Variants in TREH observed in about 807,000 individuals in gnomAD.
TREH encodes the protein alpha,alpha-trehalose glucohydrolase.
Under a neutral mutation model 80.5 loss-of-function variants are expected in TREH, and 69 were observed. That is an observed-to-expected ratio of 0.86 (90% CI 0.71 to 1.05). The LOEUF is 1.05. TREH is among the 50% of genes least tolerant of loss of function. TREH has a pLI of 0.00. For synonymous variants in TREH, 309 were observed against 293.5 expected, an observed-to-expected ratio of 1.05 and a Z score of -0.54; for missense variants, 716 against 718.8, an observed-to-expected ratio of 1.00 and a Z score of 0.04.
At chr11:118,670,130 C>T (rs1248019721) in intron 1 of TREH, among the ~76,000 whole-genome samples, 1 of 152,210 alleles carries the variant, frequency 6.6e-6, no homozygotes, top group African/African-American at 2.4e-5. Flanking sequence ...CACTCCCCTA[C>T]CCAGAGATTG....
intron 10 of TREH, 100 bp from the exon 11 acceptor site, chr11:118,660,064 T>G: frequency 2.6e-6 from 3 of 1,149,312 alleles, no homozygotes; most frequent in Non-Finnish European, 3.7e-6. Context: ...TGTGTTTCTC[T>G]GCAAAGGCTG....
chr11:118,679,198 G>A (rs1030537211), intron 1 of TREH, among the ~76,000 whole-genome samples: 2 of 152,094 alleles, frequency 1.3e-5, no homozygotes, highest in East Asian at 1.9e-4. Flanking sequence ...CAGGCTGGGC[G>A]TGGTGGTGCA....
Position 118,661,769 on chromosome 11 carries a change from C to G in TREH, c.525-40G>C. 1.2e-6 allele frequency: 2 copies of G among 1,609,608 alleles called. No homozygotes were observed. The highest frequency in any genetic ancestry group is 1.7e-6 in the Non-Finnish European group (2 of 1,176,380). ...GCTTAGGCACCACCCTGCTGCCTCC[C>G]TCTGCCCTGCACACCAGCCAGTGGG... On this transcript the variant is annotated intron_variant, in intron 5 of 14. Coordinates refer to ENST00000264029, the MANE Select transcript of TREH (RefSeq NM_007180.3). This position sits in a 1 kb window ranked among gnomAD's most constrained non-coding sequence, Gnocchi z 4.2.
Position 118,658,224 on chromosome 11 carries a change from A to G in TREH, c.*65T>C, listed in dbSNP as rs1949228845. On this transcript the variant is annotated 3_prime_UTR_variant, in exon 15 of 15. Coordinates refer to ENST00000264029, the MANE Select transcript of TREH (RefSeq NM_007180.3). Reference sequence around the variant, plus strand: ...TAGGAGGGCATGAAGAGGCAGGGGAAGGCAGGAACTGGTGCAGAGGTTTAA... The same window carrying G: ...TAGGAGGGCATGAAGAGGCAGGGGAGGGCAGGAACTGGTGCAGAGGTTTAA... 4.6e-6 allele frequency: 7 copies of G among 1,522,652 alleles called. No individual in the cohort carries two copies. The highest frequency in any genetic ancestry group is 6.2e-6 in the Non-Finnish European group (7 of 1,130,714). The allele number at this position is 1,522,652 out of a possible 1,614,324, so 94.3% of individuals were successfully genotyped here. A position where few individuals can be genotyped will look rare whatever the true frequency, so the allele number is the denominator to read the frequency against.
Position 118,658,947 on chromosome 11 carries a change from G to T in TREH, c.1503C>A (p.Thr501=). 1 of 1,613,940 alleles carries T rather than the reference G, an allele frequency of 6.2e-7. No homozygotes were observed. Among genetic ancestry groups the T allele is most frequent in the South Asian group, 1.1e-5 (1 of 91,082 alleles). The change falls in exon 13 of 15, where the codon ACC becomes ACA. Residue 501 remains threonine, a synonymous_variant. Transcript: ENST00000264029. The part of the protein sequence containing the change: ...AFQLAQNWIR[T]NFDVYSQKSA... Reference sequence around the variant, plus strand: ...ACTTCTGCGAGTAGACATCAAAATTGGTTCGGATCCAATTCTGAGCCAGCT... The same window carrying T: ...ACTTCTGCGAGTAGACATCAAAATTTGTTCGGATCCAATTCTGAGCCAGCT...
chr11:118,661,927 T>C lies in TREH; in HGVS notation c.487A>G (p.Ile163Val), dbSNP rs140024918. The change falls in exon 5 of 15, where the codon ATT (isoleucine) becomes GTT (valine). Residue 163 changes from isoleucine (I) to valine (V), a missense_variant. Physicochemically the swap from Ile to Val is conservative, Grantham distance 29. Transcript: ENST00000264029. The surrounding 1 kb of genome is among the most constrained non-coding windows in gnomAD (Gnocchi z 4.2). ...TCAACAAAGCGACCGCCAGGCACAA[T>C]GAAGGGATGTTCTGAGTAGATGAGA... ...FSLIYSEHPF[I>V]VPGGRFVEFY... is the part of the protein sequence containing the mutation. 6 of 1,555,692 alleles carry C rather than the reference T, an allele frequency of 3.9e-6. No homozygotes were observed. Among genetic ancestry groups the C allele is most frequent in the Non-Finnish European group, 5.2e-6 (6 of 1,149,486 alleles).
chr11:118,661,373 A>G lies in TREH; in HGVS notation c.734+20T>C. ...GGGATGGGTGGGTCTGCAGAGCAGC[A>G]CAGGGAGGGTGGTACCCACTGTAGA... On this transcript the variant is annotated intron_variant, in intron 7 of 14. Transcript: ENST00000264029. The surrounding 1 kb of genome is among the most constrained non-coding windows in gnomAD (Gnocchi z 4.2). The G allele has an allele frequency of 6.2e-7, 1 of 1,613,942 alleles. No homozygotes were observed. The highest frequency in any genetic ancestry group is 2.2e-5 in the East Asian group (1 of 44,870).
chr11:118,669,680 A>T (rs549724061), intron 1 of TREH, among the ~76,000 whole-genome samples: 1 of 152,292 alleles, frequency 6.6e-6, no homozygotes, highest in African/African-American at 2.4e-5. Flanking sequence ...GAGTAGAATG[A>T]CGATTAGGAG....
rs1481700119 is a variant in TREH at position 118,661,160 on chromosome 11, C to G, written c.857G>C (p.Arg286Thr). Residue 286 changes from arginine (R) to threonine (T), a missense_variant and splice_region_variant, in exon 8 of 15, where the codon AGG becomes ACG. Arg to Thr is a moderately conservative substitution (Grantham distance 71, BLOSUM62 -1). Transcript: ENST00000264029. The surrounding 1 kb of genome is among the most constrained non-coding windows in gnomAD (Gnocchi z 4.2). Reference sequence around the variant, plus strand: ...AGGGGTGGGCTGCCCAGTTCCTCACCTGGGTCCCCCATAAGGGACATAATA... The same window carrying G: ...AGGGGTGGGCTGCCCAGTTCCTCACGTGGGTCCCCCATAAGGGACATAATA... ...NRYYVPYGGP[R>T]PESYSKDVEL... The G allele has an allele frequency of 4.3e-6, 7 of 1,613,762 alleles. No individual in the cohort carries two copies. The African/African-American group carries it at 6.7e-5, about 15-fold the overall frequency.
Position 118,663,408 on chromosome 11 carries a change from G to A in TREH, c.121C>T (p.Gln41Ter). Residue 41 changes from glutamine to a stop codon, truncating the protein, a stop_gained, in exon 2 of 15, where the codon CAA becomes TAA. Coordinates refer to ENST00000264029, the MANE Select transcript of TREH (RefSeq NM_007180.3). LOFTEE classifies it high-confidence loss of function. Reference sequence around the variant, plus strand: ...TGGTAGAGCTTGGCCATTTGAACTTGGTTTAGGAGCTCCCCGTGGCAGTAA... The same window carrying A: ...TGGTAGAGCTTGGCCATTTGAACTTAGTTTAGGAGCTCCCCGTGGCAGTAA... ...EIYCHGELLN[Q>*]VQMAKLYQDD... 1 of 1,593,524 alleles carries A rather than the reference G, an allele frequency of 6.3e-7. No homozygotes were observed. Among genetic ancestry groups the A allele is most frequent in the African/African-American group, 1.3e-5 (1 of 74,654 alleles).
At chr11:118,665,804 C>T (rs534325577) in intron 1 of TREH, among the ~76,000 whole-genome samples, 3 of 152,274 alleles carry the variant, frequency 2.0e-5, no homozygotes, top group South Asian at 2.1e-4. Flanking sequence ...CCACTAGTTC[C>T]GCACCTTTGT....
chr11:118,667,168 C>G (rs552245567), intron 1 of TREH, among the ~76,000 whole-genome samples: 12 of 152,140 alleles, frequency 7.9e-5, no homozygotes, highest in African/African-American at 2.6e-4. Context: ...AGGTGTGGGC[C>G]ACTGCACCCA....
At chr11:118,660,097 A>T in intron 10 of TREH, 133 bp from the exon 11 acceptor site, 2 of 860,904 alleles carry the variant, frequency 2.3e-6, no homozygotes, top group Non-Finnish European at 3.5e-6. Context: ...GACCAAGGGG[A>T]TGTGCCGATC....
chr11:118,660,517 C>A, intron 10 of TREH, 22 bp downstream of exon 10: 1 of 1,567,046 alleles, frequency 6.4e-7, no homozygotes, highest in East Asian at 2.3e-5. Flanking sequence ...CCCTGCTTTC[C>A]CTTCCCTACT....
chr11:118,675,090 C>T (rs1381049770), intron 1 of TREH, among the ~76,000 whole-genome samples: 4 of 152,094 alleles, frequency 2.6e-5, no homozygotes, highest in Non-Finnish European at 5.9e-5. Flanking sequence ...TCAATCACCT[C>T]TAATTTCCAT....
At position 118,660,873 on chromosome 11, in the gene TREH, CA is replaced by C. The variant is rs1555144821; in HGVS notation, c.899del (p.Leu300CysfsTer50). 6.4e-7 allele frequency: 1 copy of C among 1,568,860 alleles called. No homozygotes were observed. The highest frequency in any genetic ancestry group is 8.6e-7 in the Non-Finnish European group (1 of 1,156,308). On this transcript the variant is annotated frameshift_variant, in exon 9 of 15. Transcript: ENST00000264029. LOFTEE classifies it high-confidence loss of function. The part of the protein sequence containing the change: ...YSKDVELADT[L>X]PEGDREALWA... Reference sequence around the variant, plus strand: ...CACCCTCCTGCTGCTCACCTTCTGGCAAGGTGTCAGCCAACTCCACATCTTT... The same window carrying C: ...CACCCTCCTGCTGCTCACCTTCTGGCAGGTGTCAGCCAACTCCACATCTTT...
At chr11:118,677,425 T>C (rs1490979744) in intron 1 of TREH, among the ~76,000 whole-genome samples, 9 of 152,236 alleles carry the variant, frequency 5.9e-5, no homozygotes, top group Non-Finnish European at 1.2e-4. Context: ...ATCTTTTCAC[T>C]GTAAGAAACC....
In TREH at chr11:118,662,934, G is replaced by T. The variant is rs1332891926; in HGVS notation, c.370C>A (p.Leu124Met). 6.2e-7 allele frequency: 1 copy of T among 1,611,512 alleles called. No homozygotes were observed. Among genetic ancestry groups the T allele is most frequent in the East Asian group, 2.2e-5 (1 of 44,862 alleles). ...TGCAGCTGCCCTGCCCAGGCACGCA[G>T]TTTGGCATCTGAAATCTTCTGCAGG... ...QFLQKISDAK[L>M]RAWAGQLHQL... The change falls in exon 4 of 15, where the codon CTG (leucine) becomes ATG (methionine). Residue 124 changes from leucine (L) to methionine (M), a missense_variant. By Grantham distance (15) the Leu-to-Met change is conservative. Coordinates refer to ENST00000264029, the MANE Select transcript of TREH (RefSeq NM_007180.3).
chr11:118,663,272 G>A (rs1949345470), intron 2 of TREH, 67 bp downstream of exon 2: 3 of 1,564,224 alleles, frequency 1.9e-6, no homozygotes, highest in Non-Finnish European at 2.6e-6. Flanking sequence ...TCTCTACTTG[G>A]TCTTGCCCCC....
Sources: allele counts gnomAD v4.1 joint callset (sites outside exome capture counted in the v4.1 genomes callset), GRCh38; gene constraint gnomAD v4.1.1; non-coding constraint Gnocchi (gnomAD v3.1); transcripts MANE v1.5; gene names NCBI Gene and HGNC (gene_info 2026-07-23, HGNC 2026-07-21).